Variants in VPS8 observed in about 807,000 individuals in gnomAD.
VPS8 encodes vacuolar protein sorting-associated protein 8 homolog.
In VPS8, 129 loss-of-function variants were observed where a neutral mutation model predicts 216.4. The ratio of observed to expected loss-of-function variants is 0.60; its 90% CI spans 0.52 to 0.69. The LOEUF is 0.69. Among genes scored for constraint, VPS8 ranks in the 30% least tolerant of loss-of-function variants. The probability of loss-of-function intolerance (pLI) is 0.00; values close to 1 mark genes in which losing one functional copy is unlikely to be tolerated. For synonymous variants in VPS8, 571 were observed against 565.4 expected, an observed-to-expected ratio of 1.01 and a Z score of -0.14; for missense variants, 1,531 against 1,683.5, an observed-to-expected ratio of 0.91 and a Z score of 1.59.
chr3:184,963,438 C>T (rs1403145998), intron 37 of VPS8, among the ~76,000 whole-genome samples: 1 of 152,056 alleles, frequency 6.6e-6, no homozygotes, highest in Non-Finnish European at 1.5e-5. Context: ...TAATATTGTA[C>T]AAGGAGATTT....
chr3:184,829,713 T>C (rs950842984), intron 3 of VPS8, among the ~76,000 whole-genome samples: 7 of 152,242 alleles, frequency 4.6e-5, no homozygotes, highest in Non-Finnish European at 1.0e-4. Context: ...TTCACTTTCA[T>C]TCTTAAAAGA....
chr3:185,005,539 G>T (rs1754120078), intron 45 of VPS8, among the ~76,000 whole-genome samples: 1 of 152,224 alleles, frequency 6.6e-6, no homozygotes, highest in African/African-American at 2.4e-5. Context: ...TGTGTCATCT[G>T]TGATTTCTTT....
intron 36 of VPS8, among the ~76,000 whole-genome samples, chr3:184,945,720 C>T (rs1186202059): frequency 6.6e-6 from 1 of 152,102 alleles, no homozygotes; most frequent in Non-Finnish European, 1.5e-5. Flanking sequence ...ACGGAAAAAC[C>T]AATTCACTGA....
chr3:184,814,653 C>T (rs781321997), intron 1 of VPS8, among the ~76,000 whole-genome samples: 1 of 152,136 alleles, frequency 6.6e-6, no homozygotes, highest in Non-Finnish European at 1.5e-5. Context: ...CTGTGTGGGG[C>T]ACTTACCATG....
At chr3:184,838,634 A>T (rs1412177193) in intron 5 of VPS8, 80 bp from the exon 6 acceptor site, 1 of 1,157,048 alleles carries the variant, frequency 8.6e-7, no homozygotes, top group African/African-American at 1.6e-5. Context: ...GAGCAAGTAT[A>T]TGTAAAGCAA....
At chr3:184,835,797 C>T (rs562525769) in intron 5 of VPS8, among the ~76,000 whole-genome samples, 8 of 151,064 alleles carry the variant, frequency 5.3e-5, no homozygotes, top group African/African-American at 1.9e-4. Flanking sequence ...GCAAGCTCCA[C>T]CTCCCGGATT....
intron 46 of VPS8, among the ~76,000 whole-genome samples, chr3:185,044,694 G>A (rs1712469295): frequency 6.6e-6 from 1 of 152,046 alleles, no homozygotes; most frequent in Non-Finnish European, 1.5e-5. Context: ...CTAGGGTCAT[G>A]ACTACTACTC....
intron 38 of VPS8, among the ~76,000 whole-genome samples, chr3:184,965,020 C>T (rs35685288): frequency 0.26 from 39,657 of 152,096 alleles, 6,423 homozygotes; most frequent in East Asian, 0.63. Flanking sequence ...CTACTGTTTT[C>T]CATAGCAGCT....
intron 28 of VPS8, among the ~76,000 whole-genome samples, chr3:184,917,625 C>T (rs1235120861): frequency 3.3e-5 from 5 of 152,280 alleles, no homozygotes; most frequent in East Asian, 1.9e-4. Flanking sequence ...AAGCTGGTCT[C>T]GAACTCCTGA....
At chr3:184,970,344 T>TA (rs1161868961) in intron 39 of VPS8, among the ~76,000 whole-genome samples, 2 of 152,216 alleles carry the variant, frequency 1.3e-5, no homozygotes, top group African/African-American at 4.8e-5. Flanking sequence ...CAAAGAACGT[T>TA]AGTCTCCTGA....
chr3:184,847,594 G>A (rs1029303056), intron 8 of VPS8, among the ~76,000 whole-genome samples: 3 of 152,132 alleles, frequency 2.0e-5, no homozygotes, highest in African/African-American at 7.2e-5. Flanking sequence ...GGGAAGTTGC[G>A]AAAACTCCAA....
intron 21 of VPS8, among the ~76,000 whole-genome samples, chr3:184,880,708 T>C (rs1730121021): frequency 6.6e-6 from 1 of 152,234 alleles, no homozygotes; most frequent in South Asian, 2.1e-4. Context: ...GATCATATGA[T>C]AGTTGAATGT....
rs1231891432 is a variant in VPS8, at chr3:184,818,779, A to G, written c.-88-5766A>G. On this transcript the variant is annotated intron_variant, in intron 1 of 47. Transcript: ENST00000625842. ...CTATTTCATTGTAATGTGAAAAAGT[A>G]TCTCATATGACACTTTTAGGAGGAA... Among the ~76,000 whole-genome samples the G allele has an allele frequency of 3.9e-5, 6 of 152,206 alleles. No individual in the cohort carries two copies. The East Asian group carries it at 1.2e-3, about 29-fold the overall frequency.
chr3:185,026,240 T>C (rs1163504881), intron 46 of VPS8, among the ~76,000 whole-genome samples: 1 of 152,028 alleles, frequency 6.6e-6, no homozygotes. Flanking sequence ...CTATTTACAT[T>C]GTATTGGGTA....
At chr3:184,839,878 TAGC>T in intron 7 of VPS8, 126 bp downstream of exon 7, 1 of 1,429,970 alleles carries the variant, frequency 7.0e-7, no homozygotes, top group Non-Finnish European at 9.1e-7. Flanking sequence ...ACTTGAAAAG[TAGC>T]AGTCAGTATT....
At chr3:185,038,827 C>A (rs11926675) in intron 46 of VPS8, among the ~76,000 whole-genome samples, 12,611 of 152,122 alleles carry the variant, frequency 0.083, 1,203 homozygotes, top group African/African-American at 0.23. Flanking sequence ...CCTAAGCAGC[C>A]CCCTGGACTG....
At chr3:184,936,097 G>A (rs774439455) in intron 34 of VPS8, 149 bp from the exon 35 acceptor site, 12 of 532,050 alleles carry the variant, frequency 2.3e-5, no homozygotes, top group African/African-American at 1.3e-4. Flanking sequence ...TGCAAAGTGC[G>A]CTTTAAATTG....
At chr3:184,923,385 G>C (rs1450154392) in intron 29 of VPS8, among the ~76,000 whole-genome samples, 1 of 152,056 alleles carries the variant, frequency 6.6e-6, no homozygotes, top group African/African-American at 2.4e-5. Flanking sequence ...AGGAATACTT[G>C]TCCTGTCCCC....
intron 46 of VPS8, among the ~76,000 whole-genome samples, chr3:185,045,765 TAAAAAA>T (rs71632043): frequency 7.7e-6 from 1 of 129,094 alleles, no homozygotes; most frequent in African/African-American, 2.8e-5. Flanking sequence ...AGACTCCGTC[TAAAAAA>T]AAAAAAAAAA....
Sources: allele counts gnomAD v4.1 joint callset (sites outside exome capture counted in the v4.1 genomes callset), GRCh38; gene constraint gnomAD v4.1.1; transcripts MANE v1.5; gene names NCBI Gene and HGNC (gene_info 2026-07-23, HGNC 2026-07-21).